Variants in TANC2 observed in about 807,000 individuals in gnomAD.
The protein encoded by TANC2 is protein TANC2.
A neutral mutation model predicts 210.5 loss-of-function variants in TANC2; 26 were observed. The observed-to-expected ratio is 0.12, with a 90% CI of 0.09 to 0.17. TANC2 has a LOEUF of 0.17. Ranked by LOEUF, TANC2 falls within the 10% of genes least tolerant of loss-of-function variation. The pLI is 1.00. For synonymous variants in TANC2, 931 were observed against 967.1 expected, an observed-to-expected ratio of 0.96 and a Z score of 0.69; for missense variants, 2,129 against 2,608.9, an observed-to-expected ratio of 0.82 and a Z score of 4.01.
At chr17:63,361,343 A>G (rs915353706) in intron 14 of TANC2, among the ~76,000 whole-genome samples, 6 of 152,058 alleles carry the variant, frequency 3.9e-5, no homozygotes, top group Non-Finnish European at 8.8e-5. Flanking sequence ...CAGATCCCAC[A>G]CCTCCCAAGG....
At chr17:62,972,234 T>G (rs2031741536) in intron 1 of TANC2, among the ~76,000 whole-genome samples, 1 of 152,208 alleles carries the variant, frequency 6.6e-6, no homozygotes, top group Non-Finnish European at 1.5e-5. Flanking sequence ...TAAGTTGTTT[T>G]TTTGTTGTGG....
chr17:63,051,829 G>A (rs1193369745), intron 2 of TANC2, among the ~76,000 whole-genome samples: 5 of 152,182 alleles, frequency 3.3e-5, no homozygotes, highest in African/African-American at 7.2e-5. Flanking sequence ...TTGCCCAACT[G>A]TAGGCTAATG....
intron 11 of TANC2, among the ~76,000 whole-genome samples, chr17:63,330,221 G>A (rs1292856943): frequency 6.6e-6 from 1 of 152,130 alleles, no homozygotes; most frequent in African/African-American, 2.4e-5. Context: ...AAAAGAGTTT[G>A]AAGGTAACAG....
chr17:63,021,881 A>G (rs923937706), intron 2 of TANC2, among the ~76,000 whole-genome samples: 5 of 152,218 alleles, frequency 3.3e-5, no homozygotes, highest in African/African-American at 1.2e-4. Flanking sequence ...GGTCATGAGC[A>G]GAATATTGAT....
chr17:63,055,432 T>G (rs769212214), intron 2 of TANC2, among the ~76,000 whole-genome samples: 6 of 152,148 alleles, frequency 3.9e-5, no homozygotes, highest in Middle Eastern at 3.2e-3. Flanking sequence ...CTGATGTTTA[T>G]CTGAAATCTA....
At chr17:63,401,167 A>G (rs1050132613) in intron 19 of TANC2, among the ~76,000 whole-genome samples, 5 of 152,192 alleles carry the variant, frequency 3.3e-5, no homozygotes, top group African/African-American at 1.2e-4. Flanking sequence ...CTATTGAATT[A>G]TGATGCTTCC....
chr17:63,411,481 T>C (rs1434477391), intron 21 of TANC2, 30 bp from the exon 22 acceptor site: 2 of 1,588,200 alleles, frequency 1.3e-6, no homozygotes, highest in Non-Finnish European at 8.6e-7. Flanking sequence ...CCATGTCTCC[T>C]CAGCCCTGTG....
chr17:63,338,867 C>A (rs560764184), intron 11 of TANC2: 2 of 152,248 alleles, frequency 1.3e-5, no homozygotes, highest in South Asian at 4.1e-4. Context: ...AAAATATCGA[C>A]ATTTCCAACA....
chr17:63,038,144 G>A (rs1019886536), intron 2 of TANC2, among the ~76,000 whole-genome samples: 1 of 152,108 alleles, frequency 6.6e-6, no homozygotes, highest in South Asian at 2.1e-4. Context: ...CAATAAATAT[G>A]ATGCTAGCTG....
chr17:63,410,758 G>A (rs1475520305), intron 21 of TANC2, among the ~76,000 whole-genome samples: 3 of 150,962 alleles, frequency 2.0e-5, no homozygotes, highest in African/African-American at 7.3e-5. Context: ...CTACTTAGGA[G>A]GCTGAGGCAG....
At chr17:62,999,620 T>G (rs933755872) in intron 1 of TANC2, among the ~76,000 whole-genome samples, 1 of 149,576 alleles carries the variant, frequency 6.7e-6, no homozygotes, top group Non-Finnish European at 1.5e-5. Flanking sequence ...AGATTTTTTT[T>G]GTAACTTTTT....
At chr17:63,145,819 A>C (rs2145354789) in intron 4 of TANC2, among the ~76,000 whole-genome samples, 1 of 152,250 alleles carries the variant, frequency 6.6e-6, no homozygotes, top group South Asian at 2.1e-4. Flanking sequence ...AAGTTTTGAA[A>C]TCAGAAAGTG....
intron 15 of TANC2, among the ~76,000 whole-genome samples, chr17:63,385,973 C>T (rs867580197): frequency 7.2e-5 from 11 of 152,222 alleles, no homozygotes; most frequent in Middle Eastern, 3.4e-3. Flanking sequence ...CGAGAGGATA[C>T]GTAGAAATAA....
intron 22 of TANC2, 22 bp from the exon 23 acceptor site, chr17:63,411,976 C>A: frequency 6.2e-7 from 1 of 1,613,594 alleles, no homozygotes; most frequent in Non-Finnish European, 8.5e-7. Flanking sequence ...GTCCTAACTT[C>A]TCTGCTTGAT....
At chr17:63,097,227 T>C (rs925271618) in intron 3 of TANC2, among the ~76,000 whole-genome samples, 1 of 151,886 alleles carries the variant, frequency 6.6e-6, no homozygotes, top group Non-Finnish European at 1.5e-5. Flanking sequence ...AAATATTTTT[T>C]GTAGAAATGG....
intron 25 of TANC2, 87 bp from the exon 26 acceptor site, chr17:63,415,441 G>T: frequency 6.5e-7 from 1 of 1,532,902 alleles, no homozygotes; most frequent in Non-Finnish European, 8.8e-7. Flanking sequence ...AGTAACAGCT[G>T]CTGAGAAGAA....
intron 3 of TANC2, among the ~76,000 whole-genome samples, chr17:63,096,460 G>A (rs924945132): frequency 6.6e-6 from 1 of 152,154 alleles, no homozygotes; most frequent in East Asian, 1.9e-4. Context: ...GCAGATTGTG[G>A]ATTTGCCTCT....
intron 12 of TANC2, 61 bp from the exon 13 acceptor site, chr17:63,351,189 C>T: frequency 1.4e-6 from 2 of 1,389,406 alleles, no homozygotes; most frequent in Middle Eastern, 2.4e-4. Context: ...GATCAAAGAT[C>T]CAGTAAGAAC....
In TANC2 at chr17:63,328,376, A is replaced by G. The variant is rs565252200; in HGVS notation, c.1575+9286A>G. On this transcript the variant is annotated intron_variant, in intron 11 of 27. Transcript: ENST00000689528. ...TAAAACATGGTATGTGTATGTGTAT[A>G]TGTGTGTGTGTGTGTGTGTGTGTGT... Among the ~76,000 whole-genome samples, 38 of 147,132 alleles carry G rather than the reference A, an allele frequency of 2.6e-4. No individual in the cohort carries two copies. The East Asian group carries it at 4.7e-3, about 18-fold the overall frequency.
Sources: allele counts gnomAD v4.1 joint callset (sites outside exome capture counted in the v4.1 genomes callset), GRCh38; gene constraint gnomAD v4.1.1; transcripts MANE v1.5; gene names NCBI Gene and HGNC (gene_info 2026-07-23, HGNC 2026-07-21).